The following GRID1 variants were observed in gnomAD, a reference collection of about 807,000 sequenced individuals.
The protein encoded by GRID1 is glutamate receptor ionotropic, delta-1.
In GRID1, 28 loss-of-function variants were observed where a neutral mutation model predicts 98.0. The ratio of observed to expected loss-of-function variants is 0.29; its 90% CI spans 0.21 to 0.39. GRID1 has a LOEUF of 0.39. Among genes scored for constraint, GRID1 ranks in the 10% least tolerant of loss-of-function variants. The probability of loss-of-function intolerance (pLI) is 1.00; values close to 1 mark genes in which losing one functional copy is unlikely to be tolerated. For missense variants in GRID1, 1,111 were observed against 1,340.5 expected, an observed-to-expected ratio of 0.83 and a Z score of 2.67; for synonymous variants, 553 against 538.5, an observed-to-expected ratio of 1.03 and a Z score of -0.37.
intron 5 of GRID1, among the ~76,000 whole-genome samples, chr10:85,893,437 T>C (rs1177112304): frequency 6.6e-6 from 1 of 152,128 alleles, no homozygotes; most frequent in Non-Finnish European, 1.5e-5. Context: ...GGAATAAGAA[T>C]AGTTCACTAT....
chr10:86,114,137 C>T (rs1011170255), intron 4 of GRID1, among the ~76,000 whole-genome samples: 1 of 152,018 alleles, frequency 6.6e-6, no homozygotes, highest in African/African-American at 2.4e-5. Context: ...GCTCTCTGCA[C>T]AGGGTGGGGC....
chr10:85,737,753 C>A (rs2132669031), intron 8 of GRID1, among the ~76,000 whole-genome samples: 1 of 141,084 alleles, frequency 7.1e-6, no homozygotes, highest in South Asian at 2.2e-4. Context: ...CATATATATA[C>A]AACCATATAT....
intron 4 of GRID1, among the ~76,000 whole-genome samples, chr10:86,109,491 G>A (rs1589374222): frequency 6.6e-6 from 1 of 152,218 alleles, no homozygotes; most frequent in Non-Finnish European, 1.5e-5. Context: ...CTCTCTCCAA[G>A]CCCATGCTGG....
intron 12 of GRID1, among the ~76,000 whole-genome samples, chr10:85,685,894 T>C (rs997706968): frequency 1.6e-4 from 25 of 151,906 alleles, no homozygotes; most frequent in African/African-American, 5.3e-4. Context: ...ATGTATTTAA[T>C]AAAAATGTGC....
intron 8 of GRID1, among the ~76,000 whole-genome samples, chr10:85,824,555 T>C (rs2131755084): frequency 6.6e-6 from 1 of 152,294 alleles, no homozygotes; most frequent in South Asian, 2.1e-4. Flanking sequence ...TTTTTGAAAA[T>C]TGCAATAGCT....
At chr10:85,977,558 C>T (rs191312317) in intron 4 of GRID1, among the ~76,000 whole-genome samples, 21 of 152,342 alleles carry the variant, frequency 1.4e-4, no homozygotes, top group African/African-American at 5.1e-4. Flanking sequence ...TGAAACATTT[C>T]TAGCAACATA....
intron 2 of GRID1, among the ~76,000 whole-genome samples, chr10:86,329,151 G>A (rs1206242669): frequency 1.2e-4 from 18 of 152,198 alleles, no homozygotes; most frequent in Non-Finnish European, 5.9e-5. Context: ...CAGCTTCAGG[G>A]CATCCCTCCC....
intron 12 of GRID1, among the ~76,000 whole-genome samples, chr10:85,714,817 C>T (rs1841619916): frequency 6.6e-6 from 1 of 151,896 alleles, no homozygotes. Flanking sequence ...GTTAATACCA[C>T]CCAAAGTGAT....
intron 6 of GRID1, among the ~76,000 whole-genome samples, chr10:85,858,851 C>T (rs1843138443): frequency 6.6e-6 from 1 of 152,190 alleles, no homozygotes; most frequent in South Asian, 2.1e-4. Flanking sequence ...CTGACCAGAA[C>T]CCAGTGGAAT....
At chr10:85,910,123 T>A (rs1356316614) in intron 5 of GRID1, among the ~76,000 whole-genome samples, 1 of 152,146 alleles carries the variant, frequency 6.6e-6, no homozygotes, top group Non-Finnish European at 1.5e-5. Flanking sequence ...GAGAAACAAG[T>A]AAAAAGATTA....
At chr10:86,235,814 T>C (rs1846529080) in intron 2 of GRID1, among the ~76,000 whole-genome samples, 1 of 152,266 alleles carries the variant, frequency 6.6e-6, no homozygotes, top group Non-Finnish European at 1.5e-5. Flanking sequence ...TTGTGTTGTA[T>C]CCAGTTTGAG....
chr10:86,258,501 T>C (rs771377573), intron 2 of GRID1, among the ~76,000 whole-genome samples: 3 of 152,124 alleles, frequency 2.0e-5, no homozygotes, highest in Non-Finnish European at 2.9e-5. Context: ...TTGTAGGTTG[T>C]TTATGGTAGG....
chr10:86,127,520 C>A (rs1222377537), intron 4 of GRID1, among the ~76,000 whole-genome samples: 1 of 152,170 alleles, frequency 6.6e-6, no homozygotes, highest in African/African-American at 2.4e-5. Flanking sequence ...TCCGAAAGTG[C>A]CTAGCCAGCA....
chr10:85,855,895 G>A, intron 7 of GRID1, 134 bp downstream of exon 7: 1 of 721,178 alleles, frequency 1.4e-6, no homozygotes, highest in South Asian at 1.8e-5. Context: ...GTGACAAGGA[G>A]AGAGGAATGG....
chr10:85,816,752 T>C (rs1461010955), intron 8 of GRID1, among the ~76,000 whole-genome samples: 3 of 152,208 alleles, frequency 2.0e-5, no homozygotes, highest in Non-Finnish European at 4.4e-5. Flanking sequence ...GTTTGTTATA[T>C]AGGTAAACTG....
At chr10:86,016,207 C>T (rs1026817386) in intron 4 of GRID1, among the ~76,000 whole-genome samples, 5 of 146,506 alleles carry the variant, frequency 3.4e-5, no homozygotes, top group African/African-American at 7.6e-5. Context: ...AGTGCAGTGG[C>T]GCGATCTCAG....
chr10:85,661,520 T>C (rs2132570469), intron 12 of GRID1, among the ~76,000 whole-genome samples: 1 of 152,332 alleles, frequency 6.6e-6, no homozygotes, highest in Admixed American at 6.5e-5. Flanking sequence ...AACAGACCTC[T>C]AATGATTAAA....
At chr10:85,797,003 A>C (rs1365139447) in intron 8 of GRID1, among the ~76,000 whole-genome samples, 1 of 152,218 alleles carries the variant, frequency 6.6e-6, no homozygotes, top group Non-Finnish European at 1.5e-5. Flanking sequence ...CAGGAGATAC[A>C]TGAAGTAGGA....
chr10:85,768,004 A>G (rs1427641241), intron 8 of GRID1, among the ~76,000 whole-genome samples: 4 of 152,242 alleles, frequency 2.6e-5, no homozygotes, highest in Non-Finnish European at 1.5e-5. Flanking sequence ...AAAATCACAG[A>G]GTTAAGAGAT....
Sources: gnomAD v4.1 joint callset for allele counts (sites outside exome capture counted in the v4.1 genomes callset) on GRCh38, gnomAD v4.1.1 for gene constraint, MANE v1.5 for transcripts, NCBI Gene and HGNC (gene_info 2026-07-23, HGNC 2026-07-21) for gene names.